Variants in SNTG2 observed in about 807,000 individuals in gnomAD.
SNTG2 encodes gamma-2-syntrophin.
Under a neutral mutation model 70.9 loss-of-function variants are expected in SNTG2, and 74 were observed. The ratio of observed to expected loss-of-function variants is 1.04; its 90% CI spans 0.86 to 1.27. The LOEUF (loss-of-function observed/expected upper bound fraction) is 1.27. Among genes scored for constraint, SNTG2 ranks in the 50% most tolerant of loss-of-function variants. SNTG2 has a pLI of 0.00. For synonymous variants in SNTG2, 278 were observed against 273.8 expected (o/e 1.02, Z -0.15); for missense variants, 717 against 690.7 (o/e 1.04, Z -0.43).
At chr2:1,337,832 T>G (rs1286920394) in intron 16 of SNTG2, among the ~76,000 whole-genome samples, 1 of 152,340 alleles carries the variant, frequency 6.6e-6, no homozygotes, top group East Asian at 1.9e-4. Context: ...TTTTAAAGTT[T>G]TAATTCTTAT....
intron 1 of SNTG2, among the ~76,000 whole-genome samples, chr2:1,069,092 C>T (rs1663348886): frequency 6.6e-6 from 1 of 152,156 alleles, no homozygotes; most frequent in African/African-American, 2.4e-5. Context: ...ATGTGTTGCA[C>T]ATGGTTTATG....
intron 14 of SNTG2, among the ~76,000 whole-genome samples, chr2:1,307,072 G>A (rs1048311470): frequency 2.0e-5 from 3 of 146,414 alleles, no homozygotes; most frequent in African/African-American, 5.0e-5. Context: ...TGTGTGTGGG[G>A]GAATGTGTGA....
intron 6 of SNTG2, among the ~76,000 whole-genome samples, chr2:1,153,749 A>T (rs1257531983): frequency 6.6e-6 from 1 of 152,270 alleles, no homozygotes; most frequent in Non-Finnish European, 1.5e-5. Flanking sequence ...GGAAAAAAAC[A>T]CTATTGATGC....
chr2:1,243,981 G>T, intron 11 of SNTG2, among the ~76,000 whole-genome samples: 1 of 152,282 alleles, frequency 6.6e-6, no homozygotes, highest in East Asian at 1.9e-4. Flanking sequence ...AGCCAAGAGC[G>T]TGCCACTGCA....
At chr2:1,245,123 G>T (rs1344988286) in intron 11 of SNTG2, among the ~76,000 whole-genome samples, 1 of 123,880 alleles carries the variant, frequency 8.1e-6, no homozygotes, top group Non-Finnish European at 1.7e-5. Flanking sequence ...GACTGTTGTC[G>T]GGTGGGGGGA....
intron 1 of SNTG2, among the ~76,000 whole-genome samples, chr2:972,819 C>G (rs990058295): frequency 6.6e-6 from 1 of 152,192 alleles, no homozygotes; most frequent in Non-Finnish European, 1.5e-5. Flanking sequence ...TGGAAGCTCC[C>G]TGAGGCCTCC....
At chr2:1,259,512 T>C (rs907426847) in intron 13 of SNTG2, 71 bp downstream of exon 13, 33 of 1,263,370 alleles carry the variant, frequency 2.6e-5, no homozygotes, top group Admixed American at 3.5e-5. Context: ...AATGAGAGGA[T>C]TGTTTGTTCT....
intron 1 of SNTG2, among the ~76,000 whole-genome samples, chr2:964,076 C>A (rs1002715513): frequency 6.6e-6 from 1 of 152,192 alleles, no homozygotes; most frequent in Admixed American, 6.5e-5. Flanking sequence ...GTAATCAGAT[C>A]TGTCTTCTTG....
At chr2:1,288,630 C>T (rs987008822) in intron 14 of SNTG2, among the ~76,000 whole-genome samples, 1 of 144,582 alleles carries the variant, frequency 6.9e-6, no homozygotes, top group African/African-American at 2.5e-5. Flanking sequence ...CACATGGGCA[C>T]AGCACACACA....
In SNTG2 at chr2:1,363,129, A is replaced by ACCCCC. The variant is rs11453480; in HGVS notation, c.1489-4210_1489-4206dup. ...CTCCTGTGAAACCCTCACAAAATGG[A>ACCCCC]CCCCCCCCATGAAAGAGGAACCATG... On this transcript the variant is annotated intron_variant, in intron 16 of 16. Coordinates refer to ENST00000308624, the MANE Select transcript of SNTG2 (RefSeq NM_018968.4). Among the ~76,000 whole-genome samples the ACCCCC allele has an allele frequency of 6.0e-4, 84 of 140,664 alleles. 4 individuals carry two copies. The East Asian group carries it at 8.7e-3, about 15-fold the overall frequency. 92.3% of individuals were successfully genotyped at this position (140,664 alleles called of 152,430 possible). A position where few individuals can be genotyped will look rare whatever the true frequency, so the allele number is the denominator to read the frequency against.
chr2:965,865 G>A (rs1415320136), intron 1 of SNTG2, among the ~76,000 whole-genome samples: 3 of 152,148 alleles, frequency 2.0e-5, no homozygotes, highest in Admixed American at 1.3e-4. Flanking sequence ...AGCCAGGCTG[G>A]CACCTGGGCA....
intron 7 of SNTG2, among the ~76,000 whole-genome samples, 186 bp from the exon 8 acceptor site, chr2:1,172,906 T>C (rs909498684): frequency 5.3e-5 from 8 of 152,116 alleles, no homozygotes; most frequent in Non-Finnish European, 7.4e-5. Context: ...GGTCAGATCT[T>C]GGTGAGGAGA....
intron 1 of SNTG2, among the ~76,000 whole-genome samples, chr2:996,293 G>A (rs116740263): frequency 0.015 from 2,221 of 152,190 alleles, 20 homozygotes; most frequent in Non-Finnish European, 0.024. Flanking sequence ...TGGCAACTTC[G>A]ACTGCCAGAA....
At chr2:1,339,979 G>T (rs1394961612) in intron 16 of SNTG2, among the ~76,000 whole-genome samples, 1 of 152,252 alleles carries the variant, frequency 6.6e-6, no homozygotes, top group Non-Finnish European at 1.5e-5. Context: ...CTGAAATCAA[G>T]CTGGGATGCA....
Position 1,308,521 on chromosome 2 carries a change from G to A in SNTG2, c.1312G>A (p.Gly438Arg), listed in dbSNP as rs1470980778. 2 of 1,551,666 alleles carry A rather than the reference G, an allele frequency of 1.3e-6. No individual in the cohort carries two copies. The highest frequency in any genetic ancestry group is 3.9e-5 in the Admixed American group (2 of 51,000). The change falls in exon 15 of 17, where the codon GGA becomes AGA. Residue 438 changes from glycine to arginine, a missense_variant. Physicochemically the swap from Gly to Arg is moderately radical, Grantham distance 125. Coordinates refer to ENST00000308624, the MANE Select transcript of SNTG2 (RefSeq NM_018968.4). The part of the protein sequence containing the change: ...GSRTYMCSWQ[G>R]EMLCFTVDFA... ...CAGAACATACATGTGCAGCTGGCAA[G>A]GAGAGATGCTGTGTTTCACGGTGGA...
chr2:1,304,994 G>A (rs908014992), intron 14 of SNTG2, among the ~76,000 whole-genome samples: 1 of 151,906 alleles, frequency 6.6e-6, no homozygotes, highest in African/African-American at 2.4e-5. Context: ...GTGGAAGGAG[G>A]TACTTAGAAC....
At chr2:1,063,245 C>T (rs1485637455) in intron 1 of SNTG2, among the ~76,000 whole-genome samples, 6 of 152,076 alleles carry the variant, frequency 3.9e-5, no homozygotes, top group South Asian at 2.1e-4. Flanking sequence ...GTGATGCTGC[C>T]GGGCTCCTCA....
intron 13 of SNTG2, 116 bp from the exon 14 acceptor site, chr2:1,267,249 A>T: frequency 1.1e-6 from 1 of 946,728 alleles, no homozygotes; most frequent in South Asian, 1.6e-5. Context: ...CCTTGTCTGC[A>T]CCCAGGAGAC....
At chr2:1,156,952 G>A (rs1176895779) in intron 6 of SNTG2, among the ~76,000 whole-genome samples, 3 of 152,114 alleles carry the variant, frequency 2.0e-5, no homozygotes, top group Non-Finnish European at 4.4e-5. Flanking sequence ...GCCAATCTGG[G>A]CATCTTAAAC....
Sources: allele counts gnomAD v4.1 joint callset (sites outside exome capture counted in the v4.1 genomes callset), GRCh38; gene constraint gnomAD v4.1.1; transcripts MANE v1.5; gene names NCBI Gene and HGNC (gene_info 2026-07-23, HGNC 2026-07-21).